The following PLXNB1 variants were observed in gnomAD, a reference collection of about 807,000 sequenced individuals.
PLXNB1 encodes the protein plexin B1.
In PLXNB1, 106 loss-of-function variants were observed where a neutral mutation model predicts 209.4. That is an observed-to-expected ratio of 0.51 (90% CI 0.43 to 0.59). The LOEUF is 0.59. PLXNB1 is among the 20% of genes least tolerant of loss of function. PLXNB1 has a pLI of 0.00. For synonymous variants in PLXNB1, 1,167 were observed against 1,183.2 expected (o/e 0.99, Z 0.28); for missense variants, 2,357 against 2,853.2 (o/e 0.83, Z 3.96).
intron 6 of PLXNB1, 67 bp from the exon 7 acceptor site, chr3:48,421,873 TC>T: frequency 1.3e-6 from 2 of 1,547,468 alleles, no homozygotes; most frequent in Non-Finnish European, 1.7e-6. Context: ...GGGTAGGGAC[TC>T]CTACAATCTG....
rs1295936145 is a variant in PLXNB1 at position 48,422,896 on chromosome 3, C to T, written c.1159G>A (p.Ala387Thr). The change falls in exon 4 of 38, where the codon GCC (alanine) becomes ACC (threonine). Residue 387 changes from alanine (A) to threonine (T), a missense_variant. Physicochemically the swap from Ala to Thr is moderately conservative, Grantham distance 58 (BLOSUM62 0). Transcript: ENST00000296440. ...CGSDHTPSPM[A>T]SRVPLEATPI... ...GTGGCTTCCAGCGGGACCCGGCTGG[C>T]CATGGGGCTGGGCGTGTGGTCTGAG... The T allele has an allele frequency of 6.2e-7, 1 of 1,614,112 alleles. No individual in the cohort carries two copies. The highest frequency in any genetic ancestry group is 8.5e-7 in the Non-Finnish European group (1 of 1,179,966).
Position 48,421,751 on chromosome 3 carries a change from T to C in PLXNB1, c.1576A>G (p.Ser526Gly). Residue 526 changes from serine to glycine, a missense_variant, in exon 7 of 38, where the codon AGC becomes GGC. Ser to Gly is a moderately conservative substitution (Grantham distance 56). Transcript: ENST00000296440. Reference protein sequence around the residue: ...RGQGPEQWLWSFQPELGCLQV... With the variant: ...RGQGPEQWLWGFQPELGCLQV... ...AGACAGCCCAGCTCAGGCTGGAAGC[T>C]CCATAGCCACTGCTCTGGGCCCTGG... The C allele has an allele frequency of 1.2e-6, 2 of 1,610,436 alleles. No individual in the cohort carries two copies. Among genetic ancestry groups the C allele is most frequent in the Non-Finnish European group, 1.7e-6 (2 of 1,177,126 alleles).
At chr3:48,422,016 G>A in intron 6 of PLXNB1, 89 bp downstream of exon 6, 1 of 1,339,236 alleles carries the variant, frequency 7.5e-7, no homozygotes, top group Non-Finnish European at 1.1e-6. Context: ...TGAGAGTCAT[G>A]GTCTAAGGGT....
At position 48,424,175 on chromosome 3, in the gene PLXNB1, T is replaced by C. The variant is rs1319571272; in HGVS notation, c.437A>G (p.Asn146Ser). ...CCCCACCGTGCTGACCGCAGGATCATTGGCAGCCACATATTGTGTGTCCCC... is the reference window on the plus strand; with the variant it reads ...CCCCACCGTGCTGACCGCAGGATCACTGGCAGCCACATATTGTGTGTCCCC... The part of the protein sequence containing the change: ...RPGDTQYVAA[N>S]DPAVSTVGLV... The change falls in exon 3 of 38, where the codon AAT (asparagine) becomes AGT (serine). Residue 146 changes from asparagine (N) to serine (S), a missense_variant. Transcript: ENST00000296440. The C allele has an allele frequency of 5.0e-6, 8 of 1,584,812 alleles. No homozygotes were observed. Among genetic ancestry groups the C allele is most frequent in the Middle Eastern group, 1.9e-4 (1 of 5,360 alleles).
chr3:48,419,199 C>A lies in PLXNB1; in HGVS notation c.2832+45G>T. The A allele has an allele frequency of 6.5e-7, 1 of 1,547,566 alleles. No homozygotes were observed. Among genetic ancestry groups the A allele is most frequent in the South Asian group, 1.2e-5 (1 of 81,124 alleles). On this transcript the variant is annotated intron_variant, in intron 12 of 37. Coordinates refer to ENST00000296440, the MANE Select transcript of PLXNB1 (RefSeq NM_001130082.3). The surrounding 1 kb of genome is among the most constrained non-coding windows in gnomAD (Gnocchi z 5.7). ...CCAGGGCTTGTGCAGAGTTTCTCAACAGCTAAGGAGGCTGCAAGGACAGCG... is the reference window on the plus strand; with the variant it reads ...CCAGGGCTTGTGCAGAGTTTCTCAAAAGCTAAGGAGGCTGCAAGGACAGCG...
chr3:48,406,861 C>T lies in PLXNB1; in HGVS notation c.6190G>A (p.Asp2064Asn), dbSNP rs760640753. 1.2e-6 allele frequency: 2 copies of T among 1,612,698 alleles called. No individual in the cohort carries two copies. Among genetic ancestry groups the T allele is most frequent in the Admixed American group, 1.7e-5 (1 of 59,780 alleles). The change falls in exon 36 of 38, where the codon GAC becomes AAC. Residue 2064 changes from aspartate (D) to asparagine (N), a missense_variant. Around this residue, in one of 7 missense-constraint regions of PLXNB1, gnomAD observed 414 missense variants for 520.5 expected, o/e 0.80. Coordinates refer to ENST00000296440, the MANE Select transcript of PLXNB1 (RefSeq NM_001130082.3). This position sits in a 1 kb window ranked among gnomAD's most constrained non-coding sequence, Gnocchi z 4.4. ...ADIRQTVPAS[D>N]QEMNSVLAEL... ...GCCAGGACAGAGTTCATCTCTTGGTCGCTGGCTGGGACAGTCTGTCTGATG... is the reference window on the plus strand; with the variant it reads ...GCCAGGACAGAGTTCATCTCTTGGTTGCTGGCTGGGACAGTCTGTCTGATG...
Position 48,412,331 on chromosome 3 carries a change from A to G in PLXNB1, c.5034-27T>C, listed in dbSNP as rs770218290. 3 of 1,613,556 alleles carry G rather than the reference A, an allele frequency of 1.9e-6. No individual in the cohort carries two copies. The South Asian group carries it at 3.3e-5, about 18-fold the overall frequency. On this transcript the variant is annotated intron_variant, in intron 26 of 37. Transcript: ENST00000296440. ...TGAGATGATGGGAAAGGGGAGTGCC[A>G]GGGTCAGCAGGTGGGGCTGCGGGCC...
rs928435328 is a variant in PLXNB1, at chr3:48,412,309, G to A, written c.5034-5C>T. The A allele has an allele frequency of 8.7e-6, 14 of 1,614,072 alleles. No individual in the cohort carries two copies. The highest frequency in any genetic ancestry group is 1.2e-5 in the Non-Finnish European group (14 of 1,180,016). ...TTCTCCACCACAGTCTCTGTCCTGA[G>A]ATGATGGGAAAGGGGAGTGCCAGGG... On this transcript the variant is annotated splice_region_variant and splice_polypyrimidine_tract_variant and intron_variant, in intron 26 of 37. Coordinates refer to ENST00000296440, the MANE Select transcript of PLXNB1 (RefSeq NM_001130082.3).
Position 48,416,017 on chromosome 3 carries a change from G to A in PLXNB1, c.3617+14C>T. The A allele has an allele frequency of 1.9e-6, 3 of 1,601,454 alleles. No homozygotes were observed. Among genetic ancestry groups the A allele is most frequent in the Non-Finnish European group, 2.6e-6 (3 of 1,174,018 alleles). ...AGCAGATGGATTTTTGCAGGATGAG[G>A]AAGTGGCCCTCACAAGTGACAAGGC... On this transcript the variant is annotated intron_variant, in intron 18 of 37. Coordinates refer to ENST00000296440, the MANE Select transcript of PLXNB1 (RefSeq NM_001130082.3). This position sits in a 1 kb window ranked among gnomAD's most constrained non-coding sequence, Gnocchi z 4.1.
At chr3:48,407,702 C>T (rs1190960578) in intron 34 of PLXNB1, among the ~76,000 whole-genome samples, 1 of 152,220 alleles carries the variant, frequency 6.6e-6, no homozygotes, top group Admixed American at 6.5e-5. Flanking sequence ...GGATCCAAGG[C>T]CAGCTCCTCT....
chr3:48,404,680 TGA>T, intron 37 of PLXNB1, 90 bp from the exon 38 acceptor site: 1 of 833,862 alleles, frequency 1.2e-6, no homozygotes, highest in Non-Finnish European at 1.9e-6. Flanking sequence ...CGCTGTGGCA[TGA>T]GTGGGGTAGG....
In PLXNB1 at chr3:48,411,838, A is replaced by G. The variant is rs1416782446; in HGVS notation, c.5247+25T>C. The G allele has an allele frequency of 1.2e-6, 2 of 1,611,952 alleles. No homozygotes were observed. Among genetic ancestry groups the G allele is most frequent in the Admixed American group, 1.7e-5 (1 of 59,950 alleles). The stretch of plus-strand genomic sequence containing the variant: ...CTCGCCCTCACCGCACTCAGACTGC[A>G]GGCCACACACTTGCACACCCTCACC... On this transcript the variant is annotated intron_variant, in intron 28 of 37. Transcript: ENST00000296440. This position sits in a 1 kb window ranked among gnomAD's most constrained non-coding sequence, Gnocchi z 4.0.
At chr3:48,414,699 G>T in intron 21 of PLXNB1, 100 bp downstream of exon 21, 2 of 1,425,842 alleles carry the variant, frequency 1.4e-6, no homozygotes, top group Non-Finnish European at 1.9e-6. Flanking sequence ...CCATCCACCG[G>T]CCCTTGCTCT....
In PLXNB1 at chr3:48,419,622, C is replaced by T. The variant is rs754212073; in HGVS notation, c.2664G>A (p.Pro888=). 1.3e-5 allele frequency: 21 copies of T among 1,612,318 alleles called. No individual in the cohort carries two copies. Among genetic ancestry groups the T allele is most frequent in the Middle Eastern group, 3.3e-4 (2 of 6,082 alleles). The change falls in exon 11 of 38, where the codon CCG becomes CCA. Residue 888 remains proline (P), a synonymous_variant. Transcript: ENST00000296440. This position sits in a 1 kb window ranked among gnomAD's most constrained non-coding sequence, Gnocchi z 5.7. ...LEGPPAPLIL[P]SSLDYQYDTP... ...TGTCATACTGGTAGTCGAGGCTGGA[C>T]GGGAGGATGAGGGGGGCGGGAGGGC...
At position 48,412,784 on chromosome 3, in the gene PLXNB1, C is replaced by T. The variant is rs753537264; in HGVS notation, c.4812G>A (p.Gly1604=). ...SRRPTVEQGL[G]QLSNLLNSKL... The stretch of plus-strand genomic sequence containing the variant: ...TGCTGTTGAGCAGGTTAGAGAGCTG[C>T]CCCAGCCCTTGCTCCACAGTGGGCC... The change falls in exon 25 of 38, where the codon GGG becomes GGA. Residue 1604 remains glycine (G), a synonymous_variant. Coordinates refer to ENST00000296440, the MANE Select transcript of PLXNB1 (RefSeq NM_001130082.3). 2.5e-6 allele frequency: 4 copies of T among 1,613,564 alleles called. No individual in the cohort carries two copies. The highest frequency in any genetic ancestry group is 8.5e-7 in the Non-Finnish European group (1 of 1,180,016).
Position 48,421,713 on chromosome 3 carries a change from G to A in PLXNB1, c.1614C>T (p.Ala538=). The change falls in exon 7 of 38, where the codon GCC becomes GCT. Residue 538 remains alanine (A), a synonymous_variant. Coordinates refer to ENST00000296440, the MANE Select transcript of PLXNB1 (RefSeq NM_001130082.3). ...QPELGCLQVA[A]MSPANISREE... Reference sequence around the variant, plus strand: ...CTCGGCTGATGTTGGCAGGACTCATGGCTGCCACTTGCAGACAGCCCAGCT... The same window carrying A: ...CTCGGCTGATGTTGGCAGGACTCATAGCTGCCACTTGCAGACAGCCCAGCT... 6 of 1,609,836 alleles carry A rather than the reference G, an allele frequency of 3.7e-6. No homozygotes were observed. The highest frequency in any genetic ancestry group is 2.5e-6 in the Non-Finnish European group (3 of 1,176,618).
At chr3:48,420,551 T>A in intron 10 of PLXNB1, 114 bp downstream of exon 10, 1 of 829,878 alleles carries the variant, frequency 1.2e-6, no homozygotes, top group Non-Finnish European at 2.0e-6. Context: ...ATACAGCGGC[T>A]CTGGTGCTCA....
Position 48,409,962 on chromosome 3 carries a change from C to G in PLXNB1, c.5721G>C (p.Glu1907Asp). Reference protein sequence around the residue: ...RPRRGSLRGGERERAKAIPEI... With the variant: ...RPRRGSLRGGDRERAKAIPEI... ...CAGGGATGGCCTTGGCGCGCTCACGCTCCCCGCCCCGAAGGCTGCCCCTCC... is the reference window on the plus strand; with the variant it reads ...CAGGGATGGCCTTGGCGCGCTCACGGTCCCCGCCCCGAAGGCTGCCCCTCC... Residue 1907 changes from glutamate to aspartate, a missense_variant, in exon 32 of 38, where the codon GAG becomes GAC. Physicochemically the swap from Glu to Asp is conservative, Grantham distance 45 (BLOSUM62 2). Coordinates refer to ENST00000296440, the MANE Select transcript of PLXNB1 (RefSeq NM_001130082.3). This position sits in a 1 kb window ranked among gnomAD's most constrained non-coding sequence, Gnocchi z 5.8. 6.2e-7 allele frequency: 1 copy of G among 1,612,538 alleles called. No homozygotes were observed. Among genetic ancestry groups the G allele is most frequent in the South Asian group, 1.1e-5 (1 of 90,998 alleles).
In PLXNB1 at chr3:48,407,329, C is replaced by T. The variant is rs530954064; in HGVS notation, c.6088-238G>A. 5.9e-5 allele frequency among the ~76,000 whole-genome samples: 9 copies of T among 152,206 alleles called. No individual in the cohort carries two copies. In the South Asian group the frequency reaches 8.3e-4, roughly 14 times the overall value. On this transcript the variant is annotated intron_variant, in intron 34 of 37. Transcript: ENST00000296440. ...ACCAATGTCCAGTCTCTGATGTCAT[C>T]GGAAATCATTTCTCAGCTCCACATG... is the stretch of plus-strand genomic sequence containing the variant.
Sources: gnomAD v4.1 joint callset for allele counts (sites outside exome capture counted in the v4.1 genomes callset) on GRCh38, gnomAD v4.1.1 for gene constraint, gnomAD v4.1.1 regional missense constraint, Gnocchi (gnomAD v3.1) non-coding constraint, MANE v1.5 for transcripts, NCBI Gene and HGNC (gene_info 2026-07-23, HGNC 2026-07-21) for gene names.